Variants in UBAP2 observed in about 807,000 individuals in gnomAD.
UBAP2 encodes the protein ubiquitin-associated protein 2.
In UBAP2, 75 loss-of-function variants were observed where a neutral mutation model predicts 139.6. The observed-to-expected ratio is 0.54, with a 90% CI of 0.45 to 0.65. The LOEUF (loss-of-function observed/expected upper bound fraction) is 0.65. Ranked by LOEUF, UBAP2 falls within the 30% of genes least tolerant of loss-of-function variation. The probability of loss-of-function intolerance (pLI) is 0.00; values close to 1 mark genes in which losing one functional copy is unlikely to be tolerated. For synonymous variants in UBAP2, 526 were observed against 526.2 expected (o/e 1.00, Z 0.01); for missense variants, 1,368 against 1,369.6 (o/e 1.00, Z 0.02).
intron 1 of UBAP2, among the ~76,000 whole-genome samples, chr9:34,024,551 CAG>C (rs1257095007): frequency 1.3e-5 from 2 of 152,036 alleles, no homozygotes; most frequent in Non-Finnish European, 2.9e-5. Flanking sequence ...AAAAAATTTC[CAG>C]AGATGAAACA....
At chr9:33,995,342 G>A (rs1822061084) in intron 4 of UBAP2, 1 of 9,876 alleles carries the variant, frequency 1.0e-4, no homozygotes, top group South Asian at 4.2e-3. Flanking sequence ...GGGTGGCAGA[G>A]TGAGGCTGTC....
intron 3 of UBAP2, chr9:33,996,895 T>C (rs1027977451): frequency 1.3e-4 from 20 of 152,494 alleles, no homozygotes; most frequent in African/African-American, 4.8e-4. Context: ...CTGGACAATA[T>C]AGTGAGACCT....
chr9:33,983,994 C>T (rs976791352), intron 6 of UBAP2, among the ~76,000 whole-genome samples: 1 of 152,028 alleles, frequency 6.6e-6, no homozygotes, highest in African/African-American at 2.4e-5. Flanking sequence ...TCACTGCAGC[C>T]TCCACTTCCC....
Position 33,928,017 on chromosome 9 carries a change from A to C in UBAP2, c.2176-25T>G. The C allele has an allele frequency of 1.3e-6, 2 of 1,595,412 alleles. 1 individual carries two copies. Among genetic ancestry groups the C allele is most frequent in the Non-Finnish European group, 1.7e-6 (2 of 1,170,610 alleles). Reference sequence around the variant, plus strand: ...GCTGGCAAAAGAAAAGCCAGGACACATGGATCTGGAGGCAGAGGAGGAGGG... The same window carrying C: ...GCTGGCAAAAGAAAAGCCAGGACACCTGGATCTGGAGGCAGAGGAGGAGGG... On this transcript the variant is annotated intron_variant, in intron 19 of 28. Transcript: ENST00000379238.
At chr9:33,923,625 A>C in intron 24 of UBAP2, 147 bp from the exon 25 acceptor site, 3 of 1,065,144 alleles carry the variant, frequency 2.8e-6, no homozygotes, top group Non-Finnish European at 4.3e-6. Flanking sequence ...TGCTGGATCT[A>C]AACACAGCAG....
At chr9:33,967,634 C>T (rs556555278) in intron 8 of UBAP2, among the ~76,000 whole-genome samples, 1 of 152,274 alleles carries the variant, frequency 6.6e-6, no homozygotes, top group African/African-American at 2.4e-5. Flanking sequence ...CAAAGCACCA[C>T]AGGTAAAGCT....
intron 1 of UBAP2, among the ~76,000 whole-genome samples, chr9:34,024,950 C>T (rs1825283190): frequency 6.6e-6 from 1 of 151,850 alleles, no homozygotes; most frequent in South Asian, 2.1e-4. Context: ...TGCCACTACA[C>T]TCCAATCGGG....
intron 10 of UBAP2, among the ~76,000 whole-genome samples, chr9:33,959,298 T>A (rs1826834482): frequency 1.3e-5 from 2 of 152,160 alleles, no homozygotes; most frequent in South Asian, 4.1e-4. Flanking sequence ...CTGCCTAAGG[T>A]CATTAAACAA....
intron 22 of UBAP2, among the ~76,000 whole-genome samples, chr9:33,924,727 A>G (rs1207448363): frequency 6.6e-6 from 1 of 152,204 alleles, no homozygotes; most frequent in Admixed American, 6.5e-5. Flanking sequence ...AGTGCCAGGT[A>G]GGCACGGGAA....
chr9:33,994,248 AG>A (rs986071416), intron 4 of UBAP2, among the ~76,000 whole-genome samples: 1 of 152,128 alleles, frequency 6.6e-6, no homozygotes, highest in Non-Finnish European at 1.5e-5. Context: ...TCGGTCCCAA[AG>A]GAGGAGGGGG....
At chr9:33,980,844 C>T (rs114758158) in intron 6 of UBAP2, among the ~76,000 whole-genome samples, 2,587 of 150,832 alleles carry the variant, frequency 0.017, 43 homozygotes, top group African/African-American at 0.041. Context: ...CTACTAGGGA[C>T]GCTGAGGTGG....
At chr9:34,024,605 A>G (rs1249393155) in intron 1 of UBAP2, among the ~76,000 whole-genome samples, 1 of 145,842 alleles carries the variant, frequency 6.9e-6, no homozygotes, top group Non-Finnish European at 1.5e-5. Flanking sequence ...ATGTGACTGA[A>G]ATCTTCTGGA....
intron 12 of UBAP2, among the ~76,000 whole-genome samples, chr9:33,950,019 A>G (rs1825970676): frequency 6.6e-6 from 1 of 152,148 alleles, no homozygotes; most frequent in Non-Finnish European, 1.5e-5. Context: ...TTTACATATC[A>G]AGATCATTCT....
chr9:33,965,309 T>C (rs984219214), intron 8 of UBAP2, among the ~76,000 whole-genome samples: 6 of 152,204 alleles, frequency 3.9e-5, no homozygotes, highest in Non-Finnish European at 5.9e-5. Flanking sequence ...TGTTTTCTTA[T>C]TACTGAATTG....
intron 1 of UBAP2, among the ~76,000 whole-genome samples, chr9:34,042,583 TCAAGA>T (rs1205029349): frequency 6.6e-6 from 1 of 150,800 alleles, no homozygotes; most frequent in Non-Finnish European, 1.5e-5. Flanking sequence ...GTCCAGGAGT[TCAAGA>T]CCACCCTGGG....
chr9:34,043,108 C>G (rs1827241888), intron 1 of UBAP2, among the ~76,000 whole-genome samples: 1 of 152,136 alleles, frequency 6.6e-6, no homozygotes, highest in Non-Finnish European at 1.5e-5. Context: ...CCCCAACCAC[C>G]TTCTACGTTA....
intron 12 of UBAP2, chr9:33,948,952 G>A (rs1034569499): frequency 1.6e-5 from 3 of 183,436 alleles, no homozygotes; most frequent in African/African-American, 7.1e-5. Context: ...GGATCACGAG[G>A]TCAGCAGATT....
intron 1 of UBAP2, among the ~76,000 whole-genome samples, chr9:34,020,561 G>T (rs1281447687): frequency 6.6e-6 from 1 of 151,886 alleles, no homozygotes; most frequent in African/African-American, 2.4e-5. Flanking sequence ...CGTGGCCTCA[G>T]GTGATCCACC....
intron 1 of UBAP2, among the ~76,000 whole-genome samples, chr9:34,046,300 T>TA (rs35216565): frequency 0.015 from 2,062 of 137,338 alleles, 27 homozygotes; most frequent in Admixed American, 0.035. Flanking sequence ...AATCATCATT[T>TA]AAAAAAAAAA....
Sources: allele counts gnomAD v4.1 joint callset (sites outside exome capture counted in the v4.1 genomes callset), GRCh38; gene constraint gnomAD v4.1.1; transcripts MANE v1.5; gene names NCBI Gene and HGNC (gene_info 2026-07-23, HGNC 2026-07-21).